Variants in COL4A4 observed in about 807,000 individuals in gnomAD.
COL4A4 encodes the protein collagen alpha-4(IV) chain.
A neutral mutation model predicts 192.9 loss-of-function variants in COL4A4; 105 were observed. The ratio of observed to expected loss-of-function variants is 0.54; its 90% CI spans 0.46 to 0.64. The LOEUF (loss-of-function observed/expected upper bound fraction) is 0.64. Among genes scored for constraint, COL4A4 ranks in the 30% least tolerant of loss-of-function variants. The pLI is 0.00. For missense variants in COL4A4, 1,967 were observed against 2,169.3 expected, an observed-to-expected ratio of 0.91 and a Z score of 1.85; for synonymous variants, 762 against 769.9, an observed-to-expected ratio of 0.99 and a Z score of 0.17.
In COL4A4 at chr2:227,045,897, G is replaced by T. The variant is rs1159390948; in HGVS notation, c.3289+1578C>A. Among the ~76,000 whole-genome samples the T allele has an allele frequency of 8.3e-3, 644 of 78,028 alleles. 113 individuals are homozygous for T. Among genetic ancestry groups the T allele is most frequent in the African/African-American group, 0.02 (428 of 21,438 alleles). 51.2% of individuals were successfully genotyped at this position (78,028 alleles called of 152,430 possible). On this transcript the variant is annotated intron_variant, in intron 35 of 47. Coordinates refer to ENST00000396625, the MANE Select transcript of COL4A4 (RefSeq NM_000092.5). ...ATACATATATATGTATATATATTTA[G>T]ATAGTATATATATGTATGTATATGT... is the stretch of plus-strand genomic sequence containing the variant.
chr2:227,039,016 T>C lies in COL4A4; in HGVS notation c.3505+3132A>G, dbSNP rs1192678661. Among the ~76,000 whole-genome samples, 4 of 152,342 alleles carry C rather than the reference T, an allele frequency of 2.6e-5. No homozygotes were observed. In the South Asian group the frequency reaches 8.3e-4, roughly 32 times the overall value. ...TGATGGAGCACCACTGCAACATCTG[T>C]CTGTAGGTGGTATGAACATGCCAAG... On this transcript the variant is annotated intron_variant, in intron 37 of 47. Transcript: ENST00000396625.
intron 4 of COL4A4, among the ~76,000 whole-genome samples, chr2:227,134,760 C>T (rs575908233): frequency 2.0e-5 from 3 of 152,294 alleles, no homozygotes; most frequent in East Asian, 3.9e-4. Context: ...GACTCACTCA[C>T]GTTTGATTTT....
In COL4A4 at chr2:227,031,950, G is replaced by T. The variant is rs368414659; in HGVS notation, c.3812C>A (p.Pro1271Gln). ...TTGTCATGATTCTCTCATACCTCTT[G>T]GGCCATCAGGACCAGGAGGTCCCTG... is the stretch of plus-strand genomic sequence containing the variant. ...GDQGPPGPDGPRGAPGPPGLP... is the reference protein window; with the variant it reads ...GDQGPPGPDGQRGAPGPPGLP... Residue 1271 changes from proline to glutamine, a missense_variant, in exon 40 of 48, where the codon CCA becomes CAA. Coordinates refer to ENST00000396625, the MANE Select transcript of COL4A4 (RefSeq NM_000092.5). The T allele has an allele frequency of 5.6e-6, 9 of 1,608,050 alleles. No homozygotes were observed. Among genetic ancestry groups the T allele is most frequent in the Non-Finnish European group, 7.7e-6 (9 of 1,174,746 alleles).
chr2:227,108,196 C>T (rs2060973748), intron 12 of COL4A4, among the ~76,000 whole-genome samples: 1 of 152,018 alleles, frequency 6.6e-6, no homozygotes, highest in African/African-American at 2.4e-5. Flanking sequence ...TTGCTCAGTG[C>T]TCTTGGTTCC....
chr2:227,016,491 T>C (rs1964889933), intron 44 of COL4A4, among the ~76,000 whole-genome samples: 1 of 152,148 alleles, frequency 6.6e-6, no homozygotes, highest in African/African-American at 2.4e-5. Flanking sequence ...AGGCATTCAT[T>C]TACGTGTTAT....
At chr2:227,112,469 A>G (rs112382240) in intron 8 of COL4A4, among the ~76,000 whole-genome samples, 1,988 of 152,148 alleles carry the variant, frequency 0.013, 40 homozygotes, top group African/African-American at 0.045. Flanking sequence ...GGGTTTCACC[A>G]TGTTGGCCAG....
chr2:227,010,206 A>G, intron 46 of COL4A4, 107 bp downstream of exon 46: 2 of 1,174,162 alleles, frequency 1.7e-6, no homozygotes, highest in Non-Finnish European at 1.3e-6. Context: ...AAAAGTAAGA[A>G]TAATCCCATA....
intron 22 of COL4A4, among the ~76,000 whole-genome samples, chr2:227,085,997 T>C (rs1185638216): frequency 6.6e-6 from 1 of 152,188 alleles, no homozygotes; most frequent in East Asian, 1.9e-4. Flanking sequence ...ATGGTGTTCT[T>C]ATATCCATTT....
intron 22 of COL4A4, among the ~76,000 whole-genome samples, chr2:227,086,658 A>T (rs972015951): frequency 1.3e-5 from 2 of 152,206 alleles, no homozygotes; most frequent in African/African-American, 4.8e-5. Context: ...TGAATTAAGT[A>T]AACCTTAGCC....
chr2:227,027,079 ACT>A (rs1198328125), intron 42 of COL4A4, among the ~76,000 whole-genome samples: 1 of 151,998 alleles, frequency 6.6e-6, no homozygotes, highest in Non-Finnish European at 1.5e-5. Flanking sequence ...ACATGGTGAA[ACT>A]CTGTCTCTAT....
At position 227,045,284 on chromosome 2, in the gene COL4A4, C is replaced by G. The variant is rs74998292; in HGVS notation, c.3290-2100G>C. 4.5e-4 allele frequency among the ~76,000 whole-genome samples: 69 copies of G among 152,196 alleles called. No homozygotes were observed. The South Asian group carries it at 0.014, about 31-fold the overall frequency. ...GGCCAGTTTACAGGTGAGGCAACTA[C>G]GCTCAGAGAAGATACTCTCAGCTTA... On this transcript the variant is annotated intron_variant, in intron 35 of 47. Coordinates refer to ENST00000396625, the MANE Select transcript of COL4A4 (RefSeq NM_000092.5).
chr2:226,992,310 G>A, the COL4A4 span, among the ~76,000 whole-genome samples: 2 of 152,160 alleles, frequency 1.3e-5, no homozygotes, highest in South Asian at 2.1e-4. Flanking sequence ...GATTCTCTTC[G>A]AAATAAGTTT....
At position 227,099,592 on chromosome 2, in the gene COL4A4, T is replaced by C. The variant is rs116128540; in HGVS notation, c.1099+28A>G. The C allele has an allele frequency of 1.1e-3, 1,739 of 1,608,732 alleles. 15 individuals carry two copies. The African/African-American group carries it at 0.02, about 19-fold the overall frequency. Reference sequence around the variant, plus strand: ...ACTCAACTCCTATTTCTGCATAATTTATGGAGGAACTGAATAGGAACACAA... The same window carrying C: ...ACTCAACTCCTATTTCTGCATAATTCATGGAGGAACTGAATAGGAACACAA... On this transcript the variant is annotated intron_variant, in intron 18 of 47. Transcript: ENST00000396625.
At chr2:227,152,305 G>C (rs1435838844) in intron 1 of COL4A4, among the ~76,000 whole-genome samples, 2 of 152,192 alleles carry the variant, frequency 1.3e-5, no homozygotes, top group African/African-American at 2.4e-5. Context: ...TTTTTGGATA[G>C]AGCAATTCTA....
downstream of COL4A4, among the ~76,000 whole-genome samples, chr2:226,999,818 G>A (rs1056913466): frequency 6.6e-6 from 1 of 152,146 alleles, no homozygotes; most frequent in African/African-American, 2.4e-5. Context: ...TGGCTCTCTG[G>A]ATGCGAAACT....
intron 4 of COL4A4, among the ~76,000 whole-genome samples, chr2:227,124,689 T>TA (rs1225267944): frequency 2.6e-5 from 4 of 152,338 alleles, no homozygotes; most frequent in South Asian, 4.1e-4. Context: ...TTTATCAACT[T>TA]ACAATAGGTG....
chr2:227,111,780 T>C (rs950750186), intron 8 of COL4A4, 67 bp from the exon 9 acceptor site: 91 of 1,519,726 alleles, frequency 6.0e-5, no homozygotes, highest in Non-Finnish European at 7.2e-5. Flanking sequence ...TATGTAAAAA[T>C]AGAAATATAC....
In COL4A4 at chr2:227,007,393, T is replaced by C. The variant is rs953436645; in HGVS notation, c.5005A>G (p.Thr1669Ala). The change falls in exon 48 of 48, where the codon ACC (threonine) becomes GCC (alanine). Residue 1669 changes from threonine (T) to alanine (A), a missense_variant. Transcript: ENST00000396625. ...LQFSSAPAPD[T>A]LKESQAQRQK... ...CGTTGGGCCTGGCTTTCTTTTAAGG[T>C]GTCTGGTGCTGGAGCAGAGGAAAAC... 1 of 1,614,246 alleles carries C rather than the reference T, an allele frequency of 6.2e-7. No homozygotes were observed. Among genetic ancestry groups the C allele is most frequent in the Non-Finnish European group, 8.5e-7 (1 of 1,180,048 alleles).
intron 25 of COL4A4, among the ~76,000 whole-genome samples, chr2:227,068,564 T>C (rs1280226592): frequency 6.6e-6 from 1 of 152,180 alleles, no homozygotes; most frequent in Non-Finnish European, 1.5e-5. Context: ...TGGTTCAATA[T>C]ACGCGAATCA....
Sources: allele counts gnomAD v4.1 joint callset (sites outside exome capture counted in the v4.1 genomes callset), GRCh38; gene constraint gnomAD v4.1.1; transcripts MANE v1.5; gene names NCBI Gene and HGNC (gene_info 2026-07-23, HGNC 2026-07-21).